NCAM1: variants seen among roughly 807,000 people sequenced by gnomAD.
NCAM1 encodes the protein neural cell adhesion molecule 1.
A neutral mutation model predicts 109.8 loss-of-function variants in NCAM1; 14 were observed. The ratio of observed to expected loss-of-function variants is 0.13; its 90% CI spans 0.08 to 0.20. NCAM1 has a LOEUF of 0.20. Among genes scored for constraint, NCAM1 ranks in the 10% least tolerant of loss-of-function variants. The pLI is 1.00. For missense variants in NCAM1, 774 were observed against 1,109.9 expected (o/e 0.70, Z 4.30); for synonymous variants, 418 against 442.9 (o/e 0.94, Z 0.70).
At chr11:112,982,200 A>G (rs1951171791) in intron 1 of NCAM1, among the ~76,000 whole-genome samples, 1 of 151,990 alleles carries the variant, frequency 6.6e-6, no homozygotes, top group African/African-American at 2.4e-5. Flanking sequence ...GAGTTGGCTC[A>G]GTTTCACTCT....
At chr11:113,184,864 C>G (rs558295648) in intron 1 of NCAM1, among the ~76,000 whole-genome samples, 24 of 152,068 alleles carry the variant, frequency 1.6e-4, no homozygotes, top group Admixed American at 4.6e-4. Context: ...GGTGTCCAGT[C>G]GTAACGTCCT....
chr11:113,271,639 T>C, intron 18 of NCAM1, 121 bp from the exon 19 acceptor site: 1 of 639,998 alleles, frequency 1.6e-6, no homozygotes, highest in East Asian at 3.0e-5. Context: ...GACTTATACA[T>C]TTGAATCTGT....
chr11:113,255,597 G>A (rs1443861284), intron 15 of NCAM1, among the ~76,000 whole-genome samples: 275 of 92,876 alleles, frequency 3.0e-3, no homozygotes, highest in South Asian at 7.5e-3. Context: ...TGAGACAGGG[G>A]AAAAAAAAAA....
intron 1 of NCAM1, among the ~76,000 whole-genome samples, chr11:113,021,351 C>G (rs1952379034): frequency 6.6e-6 from 1 of 152,048 alleles, no homozygotes. Context: ...CTGCAGGAGT[C>G]CAGGAAGTTA....
intron 17 of NCAM1, chr11:113,262,928 A>G: frequency 6.2e-7 from 1 of 1,613,500 alleles, no homozygotes; most frequent in Non-Finnish European, 8.5e-7. Context: ...TCTGTTAGGA[A>G]CTTGAACACA....
intron 1 of NCAM1, among the ~76,000 whole-genome samples, chr11:113,017,667 G>A: frequency 6.6e-6 from 1 of 152,092 alleles, no homozygotes; most frequent in East Asian, 1.9e-4. Flanking sequence ...GTGTATGTAT[G>A]TCCCCAGGCC....
chr11:113,074,919 A>C (rs1219469984), intron 1 of NCAM1, among the ~76,000 whole-genome samples: 1 of 152,202 alleles, frequency 6.6e-6, no homozygotes, highest in Non-Finnish European at 1.5e-5. Context: ...GGCGTCAGCA[A>C]CTGTGCCCAG....
At chr11:113,220,388 C>A (rs1944651172) in intron 8 of NCAM1, among the ~76,000 whole-genome samples, 1 of 152,122 alleles carries the variant, frequency 6.6e-6, no homozygotes. Context: ...ATCCTCAAAG[C>A]TTCCTGACTC....
At chr11:113,004,176 T>C (rs1157339740) in intron 1 of NCAM1, among the ~76,000 whole-genome samples, 2 of 152,236 alleles carry the variant, frequency 1.3e-5, no homozygotes, top group Non-Finnish European at 2.9e-5. Flanking sequence ...TGTGTGTACT[T>C]ACACACACAT....
intron 1 of NCAM1, among the ~76,000 whole-genome samples, chr11:113,050,181 A>G (rs1426740442): frequency 6.6e-6 from 1 of 152,106 alleles, no homozygotes; most frequent in Non-Finnish European, 1.5e-5. Context: ...ATGACTGAGG[A>G]AAAAAAGAGT....
At chr11:113,194,652 C>T (rs1943800869) in intron 1 of NCAM1, among the ~76,000 whole-genome samples, 2 of 152,180 alleles carry the variant, frequency 1.3e-5, no homozygotes, top group African/African-American at 4.8e-5. Context: ...AAAAATGAAC[C>T]TACCAAGAGT....
chr11:113,214,449 G>A lies in NCAM1; in HGVS notation c.997G>A (p.Gly333Arg). 1.2e-6 allele frequency: 2 copies of A among 1,613,266 alleles called. No individual in the cohort carries two copies. Among genetic ancestry groups the A allele is most frequent in the Non-Finnish European group, 1.7e-6 (2 of 1,179,580 alleles). ...GGTCACTCTTACCTGTGAAGCCTCC[G>A]GAGACCCCATTCCCTCCATCACCTG... is the stretch of plus-strand genomic sequence containing the variant. Reference protein sequence around the residue: ...EQVTLTCEASGDPIPSITWRT... With the variant: ...EQVTLTCEASRDPIPSITWRT... The change falls in exon 8 of 20, where the codon GGA (glycine) becomes AGA (arginine). Residue 333 changes from glycine to arginine, a missense_variant. Around this residue, in one of 4 missense-constraint regions of NCAM1, gnomAD observed 523 missense variants for 784.2 expected, o/e 0.67. Transcript: ENST00000316851.
intron 1 of NCAM1, among the ~76,000 whole-genome samples, chr11:113,157,310 C>CTGT (rs1555103614): frequency 6.6e-6 from 1 of 152,220 alleles, no homozygotes; most frequent in Non-Finnish European, 1.5e-5. Flanking sequence ...TAGAACTTCA[C>CTGT]TGTTGAGCAG....
intron 1 of NCAM1, among the ~76,000 whole-genome samples, chr11:112,967,789 A>G (rs1217320872): frequency 6.6e-5 from 10 of 152,204 alleles, no homozygotes; most frequent in African/African-American, 1.9e-4. Flanking sequence ...CTGCAATTCC[A>G]TGTTGGTTGT....
intron 1 of NCAM1, among the ~76,000 whole-genome samples, chr11:112,973,984 C>A (rs1008686138): frequency 2.6e-5 from 4 of 152,100 alleles, no homozygotes; most frequent in Middle Eastern, 3.4e-3. Context: ...TTCTCCTTTC[C>A]ATTTGCATAG....
chr11:113,030,451 C>T (rs1196299093), intron 1 of NCAM1, among the ~76,000 whole-genome samples: 1 of 152,140 alleles, frequency 6.6e-6, no homozygotes, highest in Non-Finnish European at 1.5e-5. Flanking sequence ...TCTACAGATA[C>T]CATCTCAAAC....
intron 1 of NCAM1, among the ~76,000 whole-genome samples, chr11:113,012,082 G>A (rs1336951810): frequency 3.3e-5 from 5 of 150,716 alleles, no homozygotes; most frequent in African/African-American, 4.9e-5. Flanking sequence ...GCAGTGGCGC[G>A]ATCTTGGCTC....
At chr11:113,148,360 C>CTTTTTTTTTTTTTTCCTTTTTTTT (rs34102949) in intron 1 of NCAM1, among the ~76,000 whole-genome samples, 1 of 141,366 alleles carries the variant, frequency 7.1e-6, no homozygotes, top group Non-Finnish European at 1.5e-5. Flanking sequence ...GTTTGCGGAG[C>CTTTTTTTTTTTTTTCCTTTTTTTT]TTTTTTTTTT....
In NCAM1 at chr11:113,047,466, G is replaced by A. The variant is rs60897771; in HGVS notation, c.52+85802G>A. Among the ~76,000 whole-genome samples, 24 of 152,220 alleles carry A rather than the reference G, an allele frequency of 1.6e-4. No homozygotes were observed. The South Asian group carries it at 1.7e-3, about 11-fold the overall frequency. On this transcript the variant is annotated intron_variant, in intron 1 of 19. Transcript: ENST00000316851. ...AAGCCTCTACTTCCCAGGCCATACC[G>A]GGTTGGAGGCAAAAATTAAGTTGTA...
Sources: gnomAD v4.1 joint callset for allele counts (sites outside exome capture counted in the v4.1 genomes callset) on GRCh38, gnomAD v4.1.1 for gene constraint, gnomAD v4.1.1 regional missense constraint, MANE v1.5 for transcripts, NCBI Gene and HGNC (gene_info 2026-07-23, HGNC 2026-07-21) for gene names.